The following EGLN3 variants were observed in gnomAD, a reference collection of about 807,000 sequenced individuals.
EGLN3 encodes egl-9 family hypoxia inducible factor 3, also known as prolyl hydroxylase EGLN3.
In EGLN3, 15 loss-of-function variants were observed where a neutral mutation model predicts 26.0. That is an observed-to-expected ratio of 0.58 (90% CI 0.39 to 0.89). The LOEUF is 0.89. EGLN3 is among the 40% of genes least tolerant of loss of function. The pLI is 0.00. For missense variants in EGLN3, 238 were observed against 311.6 expected (o/e 0.76, Z 1.78); for synonymous variants, 147 against 127.2 (o/e 1.16, Z -1.05).
intron 4 of EGLN3, 76 bp downstream of exon 4, chr14:33,926,884 T>C (rs909175945): frequency 6.2e-6 from 7 of 1,135,958 alleles, no homozygotes; most frequent in African/African-American, 1.6e-5. Context: ...ACAGAACATG[T>C]TTAAAACTAC....
At chr14:33,932,388 A>C (rs571128888) in intron 1 of EGLN3, among the ~76,000 whole-genome samples, 11 of 152,336 alleles carry the variant, frequency 7.2e-5, no homozygotes, top group Non-Finnish European at 1.3e-4. Context: ...TCCAGGCCAT[A>C]TATTTCCTGA....
At chr14:33,950,021 G>T in intron 1 of EGLN3, 1 of 505,618 alleles carries the variant, frequency 2.0e-6, no homozygotes, top group African/African-American at 1.9e-5. Flanking sequence ...AGGCATTTAA[G>T]ATCATGAGGA....
In EGLN3 at chr14:33,929,084, G is replaced by GT; in HGVS notation, c.605dup (p.Tyr202Ter). ...RRNPHEVQPS[Y>*]ATRYAMTVWY... is the part of the protein sequence containing the mutation. ...ATGGCTCCGGCTATTACCTGGTTGC[G>GT]TAAGAGGGCTGCACTTCGTGTGGGT... Residue 202 changes from tyrosine to a stop codon, truncating the protein, a stop_gained and frameshift_variant, in exon 3 of 5, where the codon TAC becomes TAAC. Coordinates refer to ENST00000250457, the MANE Select transcript of EGLN3 (RefSeq NM_022073.4). LOFTEE classifies it high-confidence loss of function. The GT allele has an allele frequency of 6.2e-7, 1 of 1,613,758 alleles. No individual in the cohort carries two copies.
intron 1 of EGLN3, among the ~76,000 whole-genome samples, chr14:33,944,437 G>C (rs2064503799): frequency 6.6e-6 from 1 of 152,098 alleles, no homozygotes; most frequent in Non-Finnish European, 1.5e-5. Flanking sequence ...CTCTATTAAA[G>C]TACCTTTTAT....
intron 1 of EGLN3, among the ~76,000 whole-genome samples, chr14:33,944,733 T>C (rs1375920812): frequency 6.6e-6 from 1 of 152,208 alleles, no homozygotes; most frequent in Admixed American, 6.5e-5. Context: ...CACACTACAC[T>C]CAACTCTCAG....
At chr14:33,935,469 G>C (rs577959550) in intron 1 of EGLN3, among the ~76,000 whole-genome samples, 24 of 152,092 alleles carry the variant, frequency 1.6e-4, no homozygotes, top group Non-Finnish European at 3.1e-4. Context: ...GGGACTTGCT[G>C]TTATTTTCAA....
At chr14:33,934,534 C>T (rs2064427134) in intron 1 of EGLN3, among the ~76,000 whole-genome samples, 1 of 151,138 alleles carries the variant, frequency 6.6e-6, no homozygotes, top group Non-Finnish European at 1.5e-5. Context: ...TCCAGGATTT[C>T]CATTCCAATG....
At chr14:33,945,918 T>C (rs2064514468) in intron 1 of EGLN3, among the ~76,000 whole-genome samples, 2 of 152,224 alleles carry the variant, frequency 1.3e-5, no homozygotes, top group South Asian at 4.1e-4. Context: ...GCAACACATC[T>C]TCTTTAATTC....
At position 33,931,235 on chromosome 14, in the gene EGLN3, A is replaced by G; in HGVS notation, c.358-20T>C. 1 of 1,614,080 alleles carries G rather than the reference A, an allele frequency of 6.2e-7. No individual in the cohort carries two copies. The highest frequency in any genetic ancestry group is 1.1e-5 in the South Asian group (1 of 91,056). On this transcript the variant is annotated intron_variant, in intron 1 of 4. Coordinates refer to ENST00000250457, the MANE Select transcript of EGLN3 (RefSeq NM_022073.4). ...CATTGCCTATGGAGAAATCCCAAGA[A>G]AGCTGGTTAACAAAGCTGAGACAGA...
chr14:33,943,948 C>G (rs1288809415), intron 1 of EGLN3, among the ~76,000 whole-genome samples: 1 of 152,096 alleles, frequency 6.6e-6, no homozygotes, highest in Non-Finnish European at 1.5e-5. Context: ...ACTCCAAAAC[C>G]TTATGCAGAG....
chr14:33,928,399 T>C (rs1419963219), intron 3 of EGLN3, among the ~76,000 whole-genome samples: 1 of 152,216 alleles, frequency 6.6e-6, no homozygotes. Flanking sequence ...CCCGGCTTAT[T>C]GCTTTAGACA....
chr14:33,925,994 C>A, intron 4 of EGLN3, 72 bp from the exon 5 acceptor site: 1 of 1,479,944 alleles, frequency 6.8e-7, no homozygotes, highest in South Asian at 1.2e-5. Context: ...TCACAAATGT[C>A]ACCAAAAAGC....
intron 1 of EGLN3, among the ~76,000 whole-genome samples, chr14:33,946,834 G>A (rs1318097027): frequency 6.6e-6 from 1 of 152,204 alleles, no homozygotes; most frequent in Non-Finnish European, 1.5e-5. Context: ...TGCACCTGGT[G>A]TAAACCAAGC....
chr14:33,929,882 A>G (rs1183179644), intron 2 of EGLN3, among the ~76,000 whole-genome samples: 1 of 152,212 alleles, frequency 6.6e-6, no homozygotes, highest in African/African-American at 2.4e-5. Context: ...TAAGAAAATC[A>G]TCACATGTAA....
chr14:33,934,714 T>A lies in EGLN3; in HGVS notation c.358-3499A>T, dbSNP rs1680697. On this transcript the variant is annotated intron_variant, in intron 1 of 4. Coordinates refer to ENST00000250457, the MANE Select transcript of EGLN3 (RefSeq NM_022073.4). ...CACCCTGCCGTTACCACTTCTCTGC[T>A]AACAGTTGCAACATGTATTTTCATA... Among the ~76,000 whole-genome samples the A allele has an allele frequency of 0.014, 2,182 of 152,272 alleles. 85 individuals are homozygous for A. The East Asian group carries it at 0.17, about 12-fold the overall frequency.
At chr14:33,928,134 T>C (rs1279072032) in intron 3 of EGLN3, among the ~76,000 whole-genome samples, 1 of 152,144 alleles carries the variant, frequency 6.6e-6, no homozygotes, top group Non-Finnish European at 1.5e-5. Context: ...CAGGGTTTAG[T>C]TACATACCCC....
intron 1 of EGLN3, among the ~76,000 whole-genome samples, chr14:33,939,453 A>G (rs942852664): frequency 1.3e-5 from 2 of 151,658 alleles, no homozygotes; most frequent in African/African-American, 4.8e-5. Flanking sequence ...CTCGTGATCC[A>G]CCCGCCTCGG....
rs2064348106 is a variant in EGLN3, at chr14:33,924,664, T to C, written c.*1227A>G. On this transcript the variant is annotated 3_prime_UTR_variant, in exon 5 of 5. Coordinates refer to ENST00000250457, the MANE Select transcript of EGLN3 (RefSeq NM_022073.4). Reference sequence around the variant, plus strand: ...AAGTAATACTGAAAACTAGGAAAAGTAGCTTTTGCAAAATACGTGCTCAAT... The same window carrying C: ...AAGTAATACTGAAAACTAGGAAAAGCAGCTTTTGCAAAATACGTGCTCAAT... 1 of 152,090 alleles carries C rather than the reference T, an allele frequency of 6.6e-6. No individual in the cohort carries two copies. The highest frequency in any genetic ancestry group is 2.4e-5 in the African/African-American group (1 of 41,434). The allele number at this position is 152,090 out of a possible 1,614,324, so 9.4% of individuals were successfully genotyped here. A position where few individuals can be genotyped will look rare whatever the true frequency, so the allele number is the denominator to read the frequency against.
intron 1 of EGLN3, among the ~76,000 whole-genome samples, chr14:33,939,489 C>T (rs1003762560): frequency 3.4e-5 from 5 of 148,816 alleles, no homozygotes; most frequent in Admixed American, 6.7e-5. Flanking sequence ...GGATTGCAGG[C>T]GTGAGCCACC....
Sources: gnomAD v4.1 joint callset for allele counts (sites outside exome capture counted in the v4.1 genomes callset) on GRCh38, gnomAD v4.1.1 for gene constraint, MANE v1.5 for transcripts, NCBI Gene and HGNC (gene_info 2026-07-23, HGNC 2026-07-21) for gene names.